The following LDB3 variants were observed in gnomAD, a reference collection of about 807,000 sequenced individuals.
LDB3 encodes the protein LIM domain binding 3.
A neutral mutation model predicts 69.0 loss-of-function variants in LDB3; 49 were observed. The ratio of observed to expected loss-of-function variants is 0.71; its 90% CI spans 0.56 to 0.90. The LOEUF is 0.90. Ranked by LOEUF, LDB3 falls within the 40% of genes least tolerant of loss-of-function variation. LDB3 has a pLI of 0.00. For missense variants in LDB3, 928 were observed against 974.1 expected (o/e 0.95, Z 0.63); for synonymous variants, 387 against 396.2 (o/e 0.98, Z 0.28).
At chr10:86,711,882 A>T (rs1846683563) in intron 9 of LDB3, among the ~76,000 whole-genome samples, 1 of 151,432 alleles carries the variant, frequency 6.6e-6, no homozygotes, top group Non-Finnish European at 1.5e-5. Flanking sequence ...TGAGTCAGAA[A>T]TCACCTTGTT....
intron 7 of LDB3, among the ~76,000 whole-genome samples, chr10:86,700,665 G>C (rs1846225105): frequency 6.6e-6 from 1 of 152,162 alleles, no homozygotes; most frequent in South Asian, 2.1e-4. Context: ...CCTTGTCCTA[G>C]TCCTGGGCAT....
rs1491446584 is a variant in LDB3 at position 86,734,993 on chromosome 10, GGA to G, written c.*2018_*2019del. ...ATTATCAGGGGCTGGTCTTGAGGAA[GGA>G]AAAAAAAAAAAAAACGTTCCCAGAA... On this transcript the variant is annotated 3_prime_UTR_variant, in exon 14 of 14. Coordinates refer to ENST00000361373, the MANE Select transcript of LDB3 (RefSeq NM_007078.3). The G allele has an allele frequency of 5.0e-5, 1 of 20,060 alleles. No individual in the cohort carries two copies. Among genetic ancestry groups the G allele is most frequent in the African/African-American group, 1.5e-4 (1 of 6,468 alleles). The allele number at this position is 20,060 out of a possible 1,614,324, so 1.2% of individuals were successfully genotyped here.
chr10:86,710,614 C>T (rs910386885), intron 9 of LDB3, among the ~76,000 whole-genome samples: 1 of 152,186 alleles, frequency 6.6e-6, no homozygotes, highest in Non-Finnish European at 1.5e-5. Flanking sequence ...GAGATTTGGC[C>T]GCAGCCATGG....
intron 12 of LDB3, among the ~76,000 whole-genome samples, chr10:86,725,038 A>G (rs920383281): frequency 3.9e-5 from 6 of 152,242 alleles, no homozygotes; most frequent in Admixed American, 3.9e-4. Context: ...GTCTAAGACA[A>G]TGAATGGACA....
rs190568837 is a variant in LDB3 at position 86,686,735 on chromosome 10, A to T, written c.689+4932A>T. On this transcript the variant is annotated intron_variant, in intron 5 of 13. Coordinates refer to ENST00000361373, the MANE Select transcript of LDB3 (RefSeq NM_007078.3). The stretch of plus-strand genomic sequence containing the variant: ...GGTGAGAGGATCACTTGAGCCCAAG[A>T]GGTTGAGACTGGAGTGAGTGGAGAT... Among the ~76,000 whole-genome samples, 46 of 150,050 alleles carry T rather than the reference A, an allele frequency of 3.1e-4. No individual in the cohort carries two copies. In the East Asian group the frequency reaches 8.8e-3, roughly 29 times the overall value.
chr10:86,710,161 G>A, intron 9 of LDB3, 111 bp downstream of exon 9: 2 of 1,541,640 alleles, frequency 1.3e-6, no homozygotes, highest in Non-Finnish European at 1.7e-6. Context: ...TGGGAAGCAA[G>A]GCCTTGCTAA....
intron 2 of LDB3, among the ~76,000 whole-genome samples, chr10:86,674,302 G>C (rs12771857): frequency 0.21 from 31,335 of 152,158 alleles, 3,717 homozygotes; most frequent in East Asian, 0.44. Context: ...ACACTGGAGG[G>C]CTTGGAGGCT....
In LDB3 at chr10:86,699,608, C is replaced by A; in HGVS notation, c.897-6923C>A. On this transcript the variant is annotated intron_variant, in intron 7 of 13. Transcript: ENST00000361373. This position sits in a 1 kb window ranked among gnomAD's most constrained non-coding sequence, Gnocchi z 4.9. ...ACCTCCCCAGGGCAACCCTCGCCAC[C>A]CCCCAAATAGCCCGTAGCCCAATCC... 7.2e-7 allele frequency: 1 copy of A among 1,398,598 alleles called. No individual in the cohort carries two copies. The highest frequency in any genetic ancestry group is 2.9e-5 in the Admixed American group (1 of 35,068). The allele number at this position is 1,398,598 out of a possible 1,614,324, so 86.6% of individuals were successfully genotyped here.
At chr10:86,715,358 C>T (rs1367545468) in intron 9 of LDB3, among the ~76,000 whole-genome samples, 1 of 152,138 alleles carries the variant, frequency 6.6e-6, no homozygotes, top group Non-Finnish European at 1.5e-5. Flanking sequence ...AAGAGGAAGC[C>T]AGCTGGACCT....
intron 2 of LDB3, among the ~76,000 whole-genome samples, chr10:86,672,095 A>G (rs1268640941): frequency 6.6e-6 from 1 of 151,644 alleles, no homozygotes; most frequent in Non-Finnish European, 1.5e-5. Context: ...CTGGGGGCAG[A>G]GTGAGACTCC....
rs1847537198 is a variant in LDB3, at chr10:86,733,250, C to A, written c.*274C>A. The stretch of plus-strand genomic sequence containing the variant: ...CATTTAGAGCAGAATTCCAAGAACT[C>A]AAAAGTGAAAAGCAACAAGCAGCTT... On this transcript the variant is annotated 3_prime_UTR_variant, in exon 14 of 14. Transcript: ENST00000361373. The A allele has an allele frequency of 1.4e-5, 6 of 421,414 alleles. No individual in the cohort carries two copies. The highest frequency in any genetic ancestry group is 1.8e-5 in the Non-Finnish European group (4 of 224,474). 26.1% of individuals were successfully genotyped at this position (421,414 alleles called of 1,614,324 possible).
chr10:86,678,453 C>T (rs894997595), intron 2 of LDB3, among the ~76,000 whole-genome samples: 4 of 151,788 alleles, frequency 2.6e-5, no homozygotes, highest in African/African-American at 9.7e-5. Context: ...AATTCTCCTG[C>T]CTCAGCCTCC....
At chr10:86,727,195 T>A (rs368020173) in intron 13 of LDB3, among the ~76,000 whole-genome samples, 7 of 151,808 alleles carry the variant, frequency 4.6e-5, no homozygotes, top group Non-Finnish European at 1.0e-4. Flanking sequence ...TAATTTTGTG[T>A]ATTTTTAGTA....
At chr10:86,681,857 G>A (rs1285466673) in intron 5 of LDB3, 54 bp downstream of exon 5, 21 of 1,517,584 alleles carry the variant, frequency 1.4e-5, no homozygotes, top group Admixed American at 2.2e-5. Flanking sequence ...CTGGGTCCTC[G>A]GTGCTCGGCA....
intron 2 of LDB3, among the ~76,000 whole-genome samples, chr10:86,669,882 G>C (rs1389526243): frequency 6.6e-6 from 1 of 152,214 alleles, no homozygotes; most frequent in African/African-American, 2.4e-5. Flanking sequence ...CTTCTCTGGG[G>C]CCTTAAGGAC....
chr10:86,692,816 G>A (rs965991199), intron 7 of LDB3, among the ~76,000 whole-genome samples: 1 of 152,218 alleles, frequency 6.6e-6, no homozygotes, highest in Admixed American at 6.5e-5. Flanking sequence ...GGCTCTCCCA[G>A]CTTCATCCCT....
intron 13 of LDB3, 61 bp downstream of exon 13, chr10:86,726,313 C>A (rs1368200172): frequency 2.3e-6 from 3 of 1,328,092 alleles, no homozygotes; most frequent in Non-Finnish European, 3.2e-6. Flanking sequence ...GAAGTGGGAG[C>A]CAGATGACCA....
chr10:86,718,036 C>T lies in LDB3; in HGVS notation c.1749C>T (p.Ser583=). The T allele has an allele frequency of 6.2e-7, 1 of 1,614,158 alleles. No homozygotes were observed. Among genetic ancestry groups the T allele is most frequent in the Admixed American group, 1.7e-5 (1 of 60,020 alleles). ...TCACCTGTGCCTACTGCAAGACTTC[C>T]CTGGCAGATGTGTGCTTTGTGGAAG... ...EEFTCAYCKT[S]LADVCFVEEQ... is the part of the protein sequence containing the mutation. The change falls in exon 11 of 14, where the codon TCC becomes TCT. Residue 583 remains serine, a synonymous_variant. Coordinates refer to ENST00000361373, the MANE Select transcript of LDB3 (RefSeq NM_007078.3).
chr10:86,723,658 C>T (rs956538328), intron 12 of LDB3, among the ~76,000 whole-genome samples: 3 of 152,126 alleles, frequency 2.0e-5, no homozygotes, highest in Admixed American at 1.3e-4. Flanking sequence ...ACAGAGTGAA[C>T]TGCAACCTGG....
Sources: allele counts gnomAD v4.1 joint callset (sites outside exome capture counted in the v4.1 genomes callset), GRCh38; gene constraint gnomAD v4.1.1; non-coding constraint Gnocchi (gnomAD v3.1); transcripts MANE v1.5; gene names NCBI Gene and HGNC (gene_info 2026-07-23, HGNC 2026-07-21).